The following ENTREP2 variants were observed in gnomAD, a reference collection of about 807,000 sequenced individuals.
ENTREP2 encodes protein ENTREP2.
At chr15:29,538,689 G>C in the ENTREP2 span, among the ~76,000 whole-genome samples, 3 of 148,926 alleles carry the variant, frequency 2.0e-5, no homozygotes, top group African/African-American at 7.4e-5. Context: ...GGCGCCTGTA[G>C]TCCCAGCTAC....
the ENTREP2 span, among the ~76,000 whole-genome samples, chr15:29,152,935 A>G: frequency 6.6e-6 from 1 of 152,218 alleles, no homozygotes; most frequent in Non-Finnish European, 1.5e-5. Flanking sequence ...GTTTCTCTGC[A>G]TGATTGCCAA....
the ENTREP2 span, among the ~76,000 whole-genome samples, chr15:29,420,264 T>C: frequency 2.6e-5 from 4 of 152,100 alleles, no homozygotes; most frequent in African/African-American, 4.8e-5. Flanking sequence ...CAAGCTTTCT[T>C]AAAAGGTTAT....
the ENTREP2 span, among the ~76,000 whole-genome samples, chr15:29,430,493 T>C: frequency 2.0e-5 from 3 of 151,966 alleles, no homozygotes; most frequent in African/African-American, 4.8e-5. Context: ...TATGAATGCA[T>C]TGAGAAGCCA....
chr15:29,658,855 C>A, the ENTREP2 span, among the ~76,000 whole-genome samples: 1 of 152,154 alleles, frequency 6.6e-6, no homozygotes, highest in African/African-American at 2.4e-5. Flanking sequence ...TTTTGACCAG[C>A]CAAAGCTGTT....
chr15:29,649,568 A>G, the ENTREP2 span, among the ~76,000 whole-genome samples: 1 of 151,860 alleles, frequency 6.6e-6, no homozygotes, highest in Admixed American at 6.6e-5. Flanking sequence ...TAAAAATACA[A>G]AAACTAGCCA....
chr15:29,128,806 G>A, the ENTREP2 span: 1 of 1,550,980 alleles, frequency 6.4e-7, no homozygotes, highest in Non-Finnish European at 8.7e-7. Context: ...GCTGAAGCCA[G>A]CACTGGTGTT....
chr15:29,637,705 G>A, the ENTREP2 span, among the ~76,000 whole-genome samples: 1 of 152,178 alleles, frequency 6.6e-6, no homozygotes, highest in Non-Finnish European at 1.5e-5. Context: ...CCTCAGGTGG[G>A]CAGAACCAGA....
the ENTREP2 span, among the ~76,000 whole-genome samples, chr15:29,344,487 T>A: frequency 6.6e-6 from 1 of 152,216 alleles, no homozygotes; most frequent in South Asian, 2.1e-4. Context: ...AGGGGCTTTA[T>A]AGAAGGGTCT....
chr15:29,538,388 A>T, the ENTREP2 span, among the ~76,000 whole-genome samples: 1 of 152,188 alleles, frequency 6.6e-6, no homozygotes, highest in Non-Finnish European at 1.5e-5. Flanking sequence ...ACGATGACTG[A>T]TCATAATGGC....
the ENTREP2 span, chr15:29,269,549 C>G: frequency 1.3e-6 from 2 of 1,512,842 alleles, no homozygotes; most frequent in South Asian, 2.5e-5. Flanking sequence ...CCGCCCGGCC[C>G]GCGGGACGTG....
chr15:29,140,255 A>G, the ENTREP2 span, among the ~76,000 whole-genome samples: 1 of 152,012 alleles, frequency 6.6e-6, no homozygotes, highest in Non-Finnish European at 1.5e-5. Context: ...CCACCTCTGT[A>G]CCCGTCTCAC....
chr15:29,630,320 T>G, the ENTREP2 span, among the ~76,000 whole-genome samples: 1 of 152,194 alleles, frequency 6.6e-6, no homozygotes, highest in African/African-American at 2.4e-5. Context: ...TGGTTTCAGA[T>G]GATGAACATT....
the ENTREP2 span, among the ~76,000 whole-genome samples, chr15:29,246,973 G>GCACACACACACACA: frequency 5.1e-5 from 7 of 137,094 alleles, no homozygotes; most frequent in East Asian, 4.4e-4. Context: ...GACTGGAAAG[G>GCACACACACACACA]CACACACACA....
chr15:29,453,660 T>C, the ENTREP2 span, among the ~76,000 whole-genome samples: 1 of 152,216 alleles, frequency 6.6e-6, no homozygotes, highest in South Asian at 2.1e-4. Flanking sequence ...AAATAACGTA[T>C]ATCACCACCA....
chr15:29,354,116 G>A, the ENTREP2 span, among the ~76,000 whole-genome samples: 1 of 152,104 alleles, frequency 6.6e-6, no homozygotes, highest in Non-Finnish European at 1.5e-5. Context: ...GTCCACTGAG[G>A]GCCCACATAG....
At chr15:29,296,699 T>G in the ENTREP2 span, among the ~76,000 whole-genome samples, 8 of 152,184 alleles carry the variant, frequency 5.3e-5, no homozygotes, top group African/African-American at 1.9e-4. Flanking sequence ...GATTGGGATA[T>G]GTATTAGTTT....
the ENTREP2 span, among the ~76,000 whole-genome samples, chr15:29,168,739 A>G: frequency 6.6e-6 from 1 of 152,230 alleles, no homozygotes; most frequent in Non-Finnish European, 1.5e-5. Context: ...AGGCACCACC[A>G]GTAACACATG....
chr15:29,118,812 T>TAC, the ENTREP2 span, among the ~76,000 whole-genome samples: 1 of 133,836 alleles, frequency 7.5e-6, no homozygotes, highest in African/African-American at 2.6e-5. Flanking sequence ...CACTTACCTT[T>TAC]CTTCATGGCC....
At chr15:29,643,633 T>G in the ENTREP2 span, among the ~76,000 whole-genome samples, 7 of 151,636 alleles carry the variant, frequency 4.6e-5, no homozygotes, top group African/African-American at 1.7e-4. Context: ...ATACAAAAAA[T>G]TAGCCGGGCA....
Sources: gnomAD v4.1 joint callset for allele counts (sites outside exome capture counted in the v4.1 genomes callset) on GRCh38, gnomAD v4.1.1 for gene constraint, MANE v1.5 for transcripts, NCBI Gene and HGNC (gene_info 2026-07-23, HGNC 2026-07-21) for gene names.